Variants in CDH13 observed in about 807,000 individuals in gnomAD.
CDH13 encodes the protein cadherin-13.
Under a neutral mutation model 63.8 loss-of-function variants are expected in CDH13, and 24 were observed. That is an observed-to-expected ratio of 0.38 (90% CI 0.27 to 0.53). The LOEUF is 0.53. Among genes scored for constraint, CDH13 ranks in the 20% least tolerant of loss-of-function variants. CDH13 has a pLI of 0.85. For synonymous variants in CDH13, 503 were observed against 355.3 expected, an observed-to-expected ratio of 1.42 and a Z score of -4.67; for missense variants, 1,049 against 903.1, an observed-to-expected ratio of 1.16 and a Z score of -2.07.
chr16:83,680,897 C>G (rs1043994420), intron 10 of CDH13, among the ~76,000 whole-genome samples: 3 of 152,002 alleles, frequency 2.0e-5, no homozygotes, highest in Non-Finnish European at 2.9e-5. Flanking sequence ...TATTCCTTCT[C>G]TATATCTGGC....
chr16:82,767,128 T>C (rs1166273147), intron 1 of CDH13, among the ~76,000 whole-genome samples: 1 of 152,236 alleles, frequency 6.6e-6, no homozygotes, highest in Non-Finnish European at 1.5e-5. Context: ...GAGTTCAATA[T>C]TTGCTTACAT....
At chr16:82,884,109 A>G (rs1273973867) in intron 2 of CDH13, 1 of 449,188 alleles carries the variant, frequency 2.2e-6, no homozygotes, top group African/African-American at 2.0e-5. Flanking sequence ...GAATAAATAC[A>G]AATATTGTTG....
chr16:83,333,314 A>T (rs756709073), intron 5 of CDH13, among the ~76,000 whole-genome samples: 3 of 152,210 alleles, frequency 2.0e-5, no homozygotes, highest in Non-Finnish European at 4.4e-5. Context: ...GCTGACAAAT[A>T]GGAATTGAAT....
chr16:83,478,324 T>C (rs1209974565), intron 6 of CDH13, among the ~76,000 whole-genome samples: 1 of 152,132 alleles, frequency 6.6e-6, no homozygotes, highest in Admixed American at 6.5e-5. Context: ...GCTTTACTCA[T>C]GTGAAGCTAC....
At chr16:83,646,302 G>A (rs542034695) in intron 8 of CDH13, among the ~76,000 whole-genome samples, 1 of 152,308 alleles carries the variant, frequency 6.6e-6, no homozygotes, top group Non-Finnish European at 1.5e-5. Flanking sequence ...TAGCGTACCC[G>A]GGTCATGACA....
At chr16:83,305,962 C>T (rs1057327715) in intron 5 of CDH13, among the ~76,000 whole-genome samples, 2 of 152,206 alleles carry the variant, frequency 1.3e-5, no homozygotes, top group Non-Finnish European at 2.9e-5. Context: ...TAATCTAGAA[C>T]AGGGTTTCTC....
intron 3 of CDH13, among the ~76,000 whole-genome samples, chr16:83,043,147 G>A (rs965297082): frequency 6.6e-6 from 1 of 152,122 alleles, no homozygotes; most frequent in Non-Finnish European, 1.5e-5. Flanking sequence ...GTGGCTCTTA[G>A]CTCCAGGATA....
chr16:83,396,204 C>T (rs1394953671), intron 6 of CDH13, among the ~76,000 whole-genome samples: 1 of 152,090 alleles, frequency 6.6e-6, no homozygotes, highest in African/African-American at 2.4e-5. Flanking sequence ...TTGATGGGCA[C>T]TTAGGTTGAT....
chr16:83,330,106 A>G (rs186616360), intron 5 of CDH13, among the ~76,000 whole-genome samples: 8 of 152,388 alleles, frequency 5.2e-5, no homozygotes, highest in African/African-American at 1.4e-4. Flanking sequence ...ATTCTTGTAG[A>G]AAATGAATTA....
intron 13 of CDH13, among the ~76,000 whole-genome samples, chr16:83,784,437 G>A (rs1915742439): frequency 6.6e-6 from 1 of 152,096 alleles, no homozygotes; most frequent in South Asian, 2.1e-4. Context: ...TTCAAGACCA[G>A]TCTGGCCAAC....
At chr16:83,682,544 C>T (rs79918594) in intron 10 of CDH13, among the ~76,000 whole-genome samples, 1,892 of 152,284 alleles carry the variant, frequency 0.012, 70 homozygotes, top group Admixed American at 0.073. Context: ...AATGAGCTCA[C>T]TGACTGTGCG....
At chr16:82,850,617 G>A (rs2151151254) in intron 1 of CDH13, among the ~76,000 whole-genome samples, 1 of 152,308 alleles carries the variant, frequency 6.6e-6, no homozygotes, top group South Asian at 2.1e-4. Context: ...TCTCCTGTGG[G>A]TTAGATGCTA....
At chr16:82,699,375 A>G (rs919067012) in intron 1 of CDH13, among the ~76,000 whole-genome samples, 2 of 152,164 alleles carry the variant, frequency 1.3e-5, no homozygotes, top group African/African-American at 2.4e-5. Context: ...CTGAGAACAT[A>G]CACTCTGCAA....
chr16:82,765,846 TTTC>T (rs2151089950), intron 1 of CDH13, among the ~76,000 whole-genome samples: 1 of 152,260 alleles, frequency 6.6e-6, no homozygotes, highest in African/African-American at 2.4e-5. Context: ...TGGATATTGG[TTTC>T]TTCTTATAAT....
chr16:82,751,552 T>C (rs1343727058), intron 1 of CDH13, among the ~76,000 whole-genome samples: 2 of 152,144 alleles, frequency 1.3e-5, no homozygotes, highest in Non-Finnish European at 2.9e-5. Flanking sequence ...GTCAGGTGCA[T>C]GTAACCCACA....
chr16:82,724,668 G>C (rs1350290506), intron 1 of CDH13, among the ~76,000 whole-genome samples: 2 of 152,180 alleles, frequency 1.3e-5, no homozygotes, highest in African/African-American at 4.8e-5. Context: ...AGTCAAAAGA[G>C]ACTGTCATGT....
chr16:83,329,357 C>T (rs948915379), intron 5 of CDH13, among the ~76,000 whole-genome samples: 1 of 151,774 alleles, frequency 6.6e-6, no homozygotes, highest in Non-Finnish European at 1.5e-5. Flanking sequence ...TCCTGAGTAG[C>T]TGTGACTGTA....
chr16:82,898,657 A>G (rs1218409628), intron 2 of CDH13, among the ~76,000 whole-genome samples: 2 of 152,184 alleles, frequency 1.3e-5, no homozygotes, highest in Admixed American at 6.5e-5. Context: ...TCTGTGGGGA[A>G]TGTTTACAGA....
Position 82,970,382 on chromosome 16 carries a change from C to CTTT in CDH13, c.158-61602_158-61600dup, listed in dbSNP as rs558393653. ...TTTGCTATTGTGAACAGTGCATATT[C>CTTT]TTTTTTTTTTTTTTTTTTTTTTTTT... On this transcript the variant is annotated intron_variant, in intron 2 of 13. Coordinates refer to ENST00000567109, the MANE Select transcript of CDH13 (RefSeq NM_001257.5). Among the ~76,000 whole-genome samples, 28 of 76,758 alleles carry CTTT rather than the reference C, an allele frequency of 3.6e-4. 4 individuals are homozygous for CTTT. The highest frequency in any genetic ancestry group is 5.7e-4 in the Non-Finnish European group (22 of 38,496). The allele number at this position is 76,758 out of a possible 152,430, so 50.4% of individuals were successfully genotyped here. A position where few individuals can be genotyped will look rare whatever the true frequency, so the allele number is the denominator to read the frequency against.
Sources: allele counts gnomAD v4.1 joint callset (sites outside exome capture counted in the v4.1 genomes callset), GRCh38; gene constraint gnomAD v4.1.1; transcripts MANE v1.5; gene names NCBI Gene and HGNC (gene_info 2026-07-23, HGNC 2026-07-21).